The following FAF1 variants were observed in gnomAD, a reference collection of about 807,000 sequenced individuals.
FAF1 encodes the protein FAS-associated factor 1.
A neutral mutation model predicts 92.5 loss-of-function variants in FAF1; 25 were observed. That is an observed-to-expected ratio of 0.27 (90% CI 0.20 to 0.38). The LOEUF (loss-of-function observed/expected upper bound fraction) is 0.38. Among genes scored for constraint, FAF1 ranks in the 10% least tolerant of loss-of-function variants. The probability of loss-of-function intolerance (pLI) is 1.00; values close to 1 mark genes in which losing one functional copy is unlikely to be tolerated. For synonymous variants in FAF1, 234 were observed against 273.2 expected, an observed-to-expected ratio of 0.86 and a Z score of 1.42; for missense variants, 636 against 793.3, an observed-to-expected ratio of 0.80 and a Z score of 2.38.
intron 17 of FAF1, among the ~76,000 whole-genome samples, chr1:50,477,330 T>C (rs1308622268): frequency 6.6e-6 from 1 of 152,130 alleles, no homozygotes; most frequent in Non-Finnish European, 1.5e-5. Context: ...CATAATAGGC[T>C]TCAGTGATAG....
intron 13 of FAF1, among the ~76,000 whole-genome samples, chr1:50,546,290 G>A (rs1649012158): frequency 6.6e-6 from 1 of 152,194 alleles, no homozygotes; most frequent in African/African-American, 2.4e-5. Context: ...TAATGTTAGT[G>A]ATAAAAGGAA....
chr1:50,805,196 A>G (rs997388700), intron 2 of FAF1, among the ~76,000 whole-genome samples: 1 of 152,212 alleles, frequency 6.6e-6, no homozygotes, highest in Non-Finnish European at 1.5e-5. Context: ...GATCATTATC[A>G]TACTGTAATG....
At chr1:50,494,724 ACT>A (rs1572784038) in intron 15 of FAF1, among the ~76,000 whole-genome samples, 1 of 151,988 alleles carries the variant, frequency 6.6e-6, no homozygotes, top group South Asian at 2.1e-4. Context: ...GGGGTAAAAG[ACT>A]CTATTTCATA....
intron 17 of FAF1, among the ~76,000 whole-genome samples, chr1:50,481,639 A>G (rs1483481483): frequency 2.0e-5 from 3 of 152,174 alleles, no homozygotes; most frequent in Non-Finnish European, 4.4e-5. Flanking sequence ...TAGGTGATAC[A>G]AGACTATATC....
chr1:50,543,559 G>A (rs941125620), intron 13 of FAF1, among the ~76,000 whole-genome samples: 1 of 152,122 alleles, frequency 6.6e-6, no homozygotes, highest in Non-Finnish European at 1.5e-5. Context: ...TTGGACTTGT[G>A]CCTAAAATAT....
At chr1:50,530,273 G>GTA (rs1327604844) in intron 15 of FAF1, among the ~76,000 whole-genome samples, 15 of 140,236 alleles carry the variant, frequency 1.1e-4, no homozygotes, top group Admixed American at 2.1e-4. Context: ...GTGTGTGTGT[G>GTA]TGTATGTATA....
At chr1:50,746,951 G>A (rs998476594) in intron 4 of FAF1, among the ~76,000 whole-genome samples, 5 of 152,218 alleles carry the variant, frequency 3.3e-5, no homozygotes, top group East Asian at 1.9e-4. Context: ...TGTTTGGGCC[G>A]CTGCTTCCAT....
At chr1:50,627,609 T>C (rs1569617810) in intron 8 of FAF1, among the ~76,000 whole-genome samples, 1 of 151,776 alleles carries the variant, frequency 6.6e-6, no homozygotes, top group Non-Finnish European at 1.5e-5. Context: ...AAGAGACAAA[T>C]AGTACATACC....
chr1:50,513,533 T>C (rs1264785821), intron 15 of FAF1, among the ~76,000 whole-genome samples: 2 of 152,158 alleles, frequency 1.3e-5, no homozygotes, highest in Non-Finnish European at 2.9e-5. Context: ...CTTATCATTG[T>C]GGTTCCATTC....
At chr1:50,613,686 C>A (rs1652778901) in intron 8 of FAF1, among the ~76,000 whole-genome samples, 3 of 151,938 alleles carry the variant, frequency 2.0e-5, no homozygotes, top group African/African-American at 7.2e-5. Flanking sequence ...TTTAGGACTC[C>A]CACTCAAGTA....
chr1:50,929,090 G>GA (rs1356496969), intron 1 of FAF1, among the ~76,000 whole-genome samples: 6 of 24,770 alleles, frequency 2.4e-4, no homozygotes, highest in African/African-American at 5.1e-4. Flanking sequence ...AAAAAAAAAA[G>GA]AAAGAAAAGA....
At position 50,959,807 on chromosome 1, in the gene FAF1, G is replaced by T; in HGVS notation, c.5C>A (p.Ala2Glu). 6.3e-7 allele frequency: 1 copy of T among 1,575,544 alleles called. No individual in the cohort carries two copies. The change falls in exon 1 of 19, where the codon GCG becomes GAG. Residue 2 changes from alanine to glutamate, a missense_variant. By Grantham distance (107) the Ala-to-Glu change is moderately radical (BLOSUM62 -1). Transcript: ENST00000396153. ...GATCATCTCCCGGTCCATGTTGGAC[G>T]CCATGGCGGCCGCCGAGTTCCGCGG... Reference protein sequence around the residue: MASNMDREMILA... With the variant: MESNMDREMILA...
At chr1:50,546,404 C>T (rs148880054) in intron 13 of FAF1, among the ~76,000 whole-genome samples, 6 of 152,208 alleles carry the variant, frequency 3.9e-5, no homozygotes, top group Admixed American at 1.3e-4. Context: ...CTCACTCTGT[C>T]GTCTAGGCTG....
chr1:50,718,354 G>C (rs955945386), intron 6 of FAF1, among the ~76,000 whole-genome samples: 1 of 152,122 alleles, frequency 6.6e-6, no homozygotes, highest in Non-Finnish European at 1.5e-5. Context: ...CAGTGTAAAT[G>C]GGAACCATGG....
At position 50,488,528 on chromosome 1, in the gene FAF1, G is replaced by C. The variant is rs770933297; in HGVS notation, c.1653+2060C>G. Among the ~76,000 whole-genome samples the C allele has an allele frequency of 2.6e-5, 4 of 152,250 alleles. 1 individual carries two copies. The highest frequency in any genetic ancestry group is 2.6e-4 in the Admixed American group (4 of 15,292). ...CATGTGTGAACGACAGCATAAAGGAGCAAGAATCCTAAACTATATTTCTTG... is the reference window on the plus strand; with the variant it reads ...CATGTGTGAACGACAGCATAAAGGACCAAGAATCCTAAACTATATTTCTTG... On this transcript the variant is annotated intron_variant, in intron 17 of 18. Transcript: ENST00000396153.
At chr1:50,507,949 T>G (rs1267512892) in intron 15 of FAF1, among the ~76,000 whole-genome samples, 1 of 152,196 alleles carries the variant, frequency 6.6e-6, no homozygotes, top group African/African-American at 2.4e-5. Flanking sequence ...GAATTAGAGA[T>G]TTCTCCAAAG....
intron 1 of FAF1, among the ~76,000 whole-genome samples, chr1:50,956,078 A>G (rs1378529213): frequency 2.0e-5 from 3 of 152,232 alleles, no homozygotes; most frequent in Non-Finnish European, 2.9e-5. Context: ...AGTGATAGTA[A>G]CAAAGCAAAA....
chr1:50,605,813 T>C (rs909385675), intron 8 of FAF1, among the ~76,000 whole-genome samples: 10 of 152,248 alleles, frequency 6.6e-5, no homozygotes, highest in African/African-American at 2.4e-4. Context: ...TATTATTTGA[T>C]AATTTAGAAC....
chr1:50,613,819 C>T (rs576697281), intron 8 of FAF1, among the ~76,000 whole-genome samples: 3 of 152,010 alleles, frequency 2.0e-5, no homozygotes, highest in Admixed American at 2.0e-4. Context: ...AAAAACCAGG[C>T]AGGGCATGGT....
Sources: gnomAD v4.1 joint callset for allele counts (sites outside exome capture counted in the v4.1 genomes callset) on GRCh38, gnomAD v4.1.1 for gene constraint, MANE v1.5 for transcripts, NCBI Gene and HGNC (gene_info 2026-07-23, HGNC 2026-07-21) for gene names.